CRADD: variants seen among roughly 807,000 people sequenced by gnomAD.
CRADD encodes the protein death domain-containing protein CRADD.
Under a neutral mutation model 15.5 loss-of-function variants are expected in CRADD, and 9 were observed. The observed-to-expected ratio is 0.58, with a 90% CI of 0.35 to 1.01. The LOEUF (loss-of-function observed/expected upper bound fraction) is 1.01, where lower values mean the gene tolerates loss of function less well. CRADD is among the 50% of genes least tolerant of loss of function. The pLI, the probability that CRADD is intolerant of heterozygous loss-of-function variation, is 0.02. For missense variants in CRADD, 227 were observed against 250.3 expected (o/e 0.91, Z 0.63); for synonymous variants, 118 against 107.6 (o/e 1.10, Z -0.60).
At chr12:93,788,347 C>T (rs567497869) in intron 2 of CRADD, among the ~76,000 whole-genome samples, 91 of 152,190 alleles carry the variant, frequency 6.0e-4, no homozygotes, top group Non-Finnish European at 1.0e-3. Context: ...AGGAAACCAT[C>T]CTCATGATTC....
chr12:93,763,042 T>C (rs904379170), intron 2 of CRADD, among the ~76,000 whole-genome samples: 2 of 152,210 alleles, frequency 1.3e-5, no homozygotes, highest in Admixed American at 6.5e-5. Context: ...GGTGATAATA[T>C]TGTGTTGAGT....
chr12:93,756,881 A>C lies in CRADD; in HGVS notation c.298+77809A>C, dbSNP rs1249831372. ...GGAAGGTATCTCTCATTCTCCTGGC[A>C]CACCTACAGGTGGGAAGTCTTGAGC... On this transcript the variant is annotated intron_variant, in intron 2 of 2. Coordinates refer to ENST00000332896, the MANE Select transcript of CRADD (RefSeq NM_003805.5). Among the ~76,000 whole-genome samples the C allele has an allele frequency of 5.3e-5, 8 of 152,186 alleles. 1 individual carries two copies. The highest frequency in any genetic ancestry group is 3.9e-4 in the Admixed American group (6 of 15,290).
intron 2 of CRADD, among the ~76,000 whole-genome samples, chr12:93,782,740 G>A (rs1957226233): frequency 1.3e-5 from 2 of 151,796 alleles, no homozygotes; most frequent in African/African-American, 4.8e-5. Context: ...TTTATTACAT[G>A]TTACTAAGGA....
At chr12:93,709,444 A>G (rs560061005) in intron 2 of CRADD, among the ~76,000 whole-genome samples, 4 of 152,084 alleles carry the variant, frequency 2.6e-5, no homozygotes, top group South Asian at 2.1e-4. Flanking sequence ...CCGAGTATCT[A>G]TTGTTTCCTT....
intron 2 of CRADD, among the ~76,000 whole-genome samples, chr12:93,758,068 C>T (rs4144499): frequency 0.56 from 85,709 of 152,132 alleles, 25,171 homozygotes; most frequent in East Asian, 0.89. Context: ...ATTCACACCC[C>T]ACATTTGTTT....
At chr12:93,838,952 T>C (rs1488606767) in intron 2 of CRADD, among the ~76,000 whole-genome samples, 1 of 151,840 alleles carries the variant, frequency 6.6e-6, no homozygotes, top group African/African-American at 2.4e-5. Flanking sequence ...ATTTTTTTTT[T>C]TGTAGAGATG....
At chr12:93,872,519 A>G (rs147651934) in intron 2 of CRADD, among the ~76,000 whole-genome samples, 15 of 152,236 alleles carry the variant, frequency 9.9e-5, no homozygotes, top group African/African-American at 3.6e-4. Flanking sequence ...GTTTTCTTGT[A>G]GTAGAAAACA....
intron 2 of CRADD, among the ~76,000 whole-genome samples, chr12:93,696,668 A>T (rs993114707): frequency 3.3e-5 from 5 of 152,166 alleles, no homozygotes; most frequent in African/African-American, 1.2e-4. Context: ...GTGCAACATG[A>T]TGACTATAGA....
intron 2 of CRADD, among the ~76,000 whole-genome samples, chr12:93,781,000 C>T (rs1419286290): frequency 1.3e-5 from 2 of 151,492 alleles, no homozygotes; most frequent in Non-Finnish European, 2.9e-5. Flanking sequence ...AAGTAATCCA[C>T]CCGCCTCAGC....
intron 2 of CRADD, among the ~76,000 whole-genome samples, chr12:93,742,198 C>G (rs1348763150): frequency 3.3e-5 from 5 of 152,210 alleles, no homozygotes; most frequent in Non-Finnish European, 7.4e-5. Context: ...CAAAGATTTT[C>G]CAAGAAGGCA....
intron 2 of CRADD, among the ~76,000 whole-genome samples, chr12:93,785,526 A>G (rs566119735): frequency 6.6e-6 from 1 of 152,292 alleles, no homozygotes; most frequent in East Asian, 1.9e-4. Flanking sequence ...ATTCAACCAC[A>G]GCTACTGCTG....
chr12:93,817,474 G>A (rs1409975582), intron 2 of CRADD, among the ~76,000 whole-genome samples: 1 of 152,148 alleles, frequency 6.6e-6, no homozygotes, highest in African/African-American at 2.4e-5. Flanking sequence ...AGGCAACAGA[G>A]GTTAAGCAAC....
intron 2 of CRADD, among the ~76,000 whole-genome samples, chr12:93,743,930 A>C (rs1956717199): frequency 6.6e-6 from 1 of 151,846 alleles, no homozygotes; most frequent in Admixed American, 6.6e-5. Context: ...TTTTATTTTT[A>C]GTTTCTATGT....
At chr12:93,862,260 T>C (rs1308256626) in intron 2 of CRADD, among the ~76,000 whole-genome samples, 2 of 152,192 alleles carry the variant, frequency 1.3e-5, no homozygotes, top group Non-Finnish European at 2.9e-5. Context: ...GGTGCAATAA[T>C]AGACTCCCAT....
Position 93,893,945 on chromosome 12 carries a change from G to A in CRADD, c.299-105G>A, listed in dbSNP as rs1449006418. The A allele has an allele frequency of 2.7e-5, 18 of 676,176 alleles. No homozygotes were observed. The East Asian group carries it at 2.7e-4, about 10-fold the overall frequency. 41.9% of individuals were successfully genotyped at this position (676,176 alleles called of 1,614,324 possible). A position where few individuals can be genotyped will look rare whatever the true frequency, so the allele number is the denominator to read the frequency against. On this transcript the variant is annotated intron_variant, in intron 2 of 2. Transcript: ENST00000548483. ...TAAGCACTAGATCATCTATTCCTAC[G>A]TTGTTTGACCTAGAGCTTAAATACA...
At chr12:93,790,218 A>G (rs1341629073) in intron 2 of CRADD, among the ~76,000 whole-genome samples, 1 of 152,170 alleles carries the variant, frequency 6.6e-6, no homozygotes, top group African/African-American at 2.4e-5. Context: ...GGTGAAAACA[A>G]CATACATTAT....
intron 2 of CRADD, among the ~76,000 whole-genome samples, chr12:93,795,696 T>C (rs1427477432): frequency 6.6e-6 from 1 of 152,218 alleles, no homozygotes; most frequent in Non-Finnish European, 1.5e-5. Context: ...CCCTTTCCCA[T>C]CTATTTTTCT....
chr12:93,769,580 A>G (rs1185968783), intron 2 of CRADD, among the ~76,000 whole-genome samples: 1 of 152,224 alleles, frequency 6.6e-6, no homozygotes, highest in African/African-American at 2.4e-5. Context: ...AATACTGTGA[A>G]AGTGGTTGCA....
chr12:93,725,150 A>G (rs984337514), intron 2 of CRADD, among the ~76,000 whole-genome samples: 4 of 152,036 alleles, frequency 2.6e-5, no homozygotes, highest in African/African-American at 9.7e-5. Context: ...GTGAGCCACC[A>G]CGCCCGGCCC....
Sources: allele counts gnomAD v4.1 joint callset (sites outside exome capture counted in the v4.1 genomes callset), GRCh38; gene constraint gnomAD v4.1.1; transcripts MANE v1.5; gene names NCBI Gene and HGNC (gene_info 2026-07-23, HGNC 2026-07-21).